PCDH9: variants seen among roughly 807,000 people sequenced by gnomAD.
PCDH9 encodes the protein protocadherin 9, also known as protocadherin-9.
PCDH9 carries 24 observed loss-of-function variants against 70.6 expected under a neutral mutation model. The observed-to-expected ratio is 0.34, with a 90% CI of 0.25 to 0.48. PCDH9 has a LOEUF of 0.48. Among genes scored for constraint, PCDH9 ranks in the 20% least tolerant of loss-of-function variants. The pLI is 0.99. For missense variants in PCDH9, 1,281 were observed against 1,503.6 expected (o/e 0.85, Z 2.45); for synonymous variants, 562 against 558.5 (o/e 1.01, Z -0.09).
At chr13:66,613,453 A>G (rs1486622675) in intron 4 of PCDH9, among the ~76,000 whole-genome samples, 3 of 152,166 alleles carry the variant, frequency 2.0e-5, no homozygotes, top group Non-Finnish European at 4.4e-5. Context: ...GTCACTGTTT[A>G]TATTTTCTGT....
intron 2 of PCDH9, among the ~76,000 whole-genome samples, chr13:66,980,648 T>C (rs2083725041): frequency 6.6e-6 from 1 of 151,674 alleles, no homozygotes. Context: ...TATCTTCCTT[T>C]GCATGCTCAC....
At chr13:67,019,832 C>T (rs2084639786) in intron 2 of PCDH9, among the ~76,000 whole-genome samples, 1 of 152,138 alleles carries the variant, frequency 6.6e-6, no homozygotes, top group African/African-American at 2.4e-5. Flanking sequence ...AGGTGAGTAC[C>T]AAGCACACTT....
chr13:66,797,953 C>T (rs1208301704), intron 3 of PCDH9, among the ~76,000 whole-genome samples: 2 of 140,482 alleles, frequency 1.4e-5, no homozygotes, highest in Non-Finnish European at 1.5e-5. Context: ...GTTTTTGTTT[C>T]TTGGGGGGTG....
chr13:66,462,377 G>A (rs1313124157), intron 4 of PCDH9, among the ~76,000 whole-genome samples: 1 of 151,866 alleles, frequency 6.6e-6, no homozygotes, highest in Non-Finnish European at 1.5e-5. Flanking sequence ...AAATAAGGAA[G>A]TCAGGAAGAG....
At chr13:67,104,845 G>C (rs1254625805) in intron 2 of PCDH9, among the ~76,000 whole-genome samples, 1 of 152,124 alleles carries the variant, frequency 6.6e-6, no homozygotes, top group Non-Finnish European at 1.5e-5. Context: ...CACCGCGCTG[G>C]GCCAATAAAA....
intron 2 of PCDH9, among the ~76,000 whole-genome samples, chr13:66,996,746 G>T (rs1436423364): frequency 6.6e-6 from 1 of 152,180 alleles, no homozygotes; most frequent in Non-Finnish European, 1.5e-5. Flanking sequence ...GTCTAAATGT[G>T]AATAGTACTG....
chr13:66,419,526 G>A (rs971663706), intron 4 of PCDH9, among the ~76,000 whole-genome samples: 8 of 151,794 alleles, frequency 5.3e-5, no homozygotes, highest in South Asian at 2.1e-4. Context: ...AGAGTGGGGC[G>A]TTGCCTCACC....
At chr13:66,806,226 AT>A (rs1259270500) in intron 3 of PCDH9, among the ~76,000 whole-genome samples, 1 of 152,056 alleles carries the variant, frequency 6.6e-6, no homozygotes, top group Non-Finnish European at 1.5e-5. Flanking sequence ...ATTTGATTTA[AT>A]TTTTTTCTTT....
chr13:67,087,428 A>G (rs2086130775), intron 2 of PCDH9, among the ~76,000 whole-genome samples: 1 of 152,324 alleles, frequency 6.6e-6, no homozygotes, highest in East Asian at 1.9e-4. Flanking sequence ...ATCTACAGAA[A>G]GGTTTATACT....
At chr13:66,828,810 A>AAAAAAAAAAAATAATAATAAT (rs71207607) in intron 3 of PCDH9, among the ~76,000 whole-genome samples, 71 of 148,664 alleles carry the variant, frequency 4.8e-4, no homozygotes, top group African/African-American at 1.7e-3. Flanking sequence ...GCCATACATA[A>AAAAAAAAAAAATAATAATAAT]AATAATAATA....
chr13:67,114,806 G>T (rs1253770148), intron 2 of PCDH9, among the ~76,000 whole-genome samples: 1 of 152,162 alleles, frequency 6.6e-6, no homozygotes, highest in East Asian at 1.9e-4. Context: ...AAAATTTGGT[G>T]CTAGATAAAA....
At chr13:67,007,347 A>G (rs116965499) in intron 2 of PCDH9, among the ~76,000 whole-genome samples, 1,960 of 152,318 alleles carry the variant, frequency 0.013, 17 homozygotes, top group Middle Eastern at 0.051. Flanking sequence ...CCATATAGGA[A>G]GATAGTAAAT....
At chr13:66,698,528 T>C (rs1434997430) in intron 3 of PCDH9, among the ~76,000 whole-genome samples, 1 of 152,246 alleles carries the variant, frequency 6.6e-6, no homozygotes, top group Non-Finnish European at 1.5e-5. Context: ...TAATTAGTGC[T>C]ACCTTTCTCA....
At chr13:67,017,414 A>G (rs1484160388) in intron 2 of PCDH9, among the ~76,000 whole-genome samples, 1 of 152,198 alleles carries the variant, frequency 6.6e-6, no homozygotes, top group African/African-American at 2.4e-5. Context: ...ATTTACAGGC[A>G]TTGATATTCC....
intron 3 of PCDH9, among the ~76,000 whole-genome samples, chr13:66,836,211 T>C (rs112059907): frequency 3.9e-5 from 6 of 152,266 alleles, no homozygotes; most frequent in African/African-American, 1.4e-4. Flanking sequence ...AAAAGCAATT[T>C]CTCTTATACT....
At chr13:67,146,202 G>T (rs2087519450) in intron 2 of PCDH9, among the ~76,000 whole-genome samples, 1 of 152,094 alleles carries the variant, frequency 6.6e-6, no homozygotes, top group South Asian at 2.1e-4. Flanking sequence ...ACTTGACATT[G>T]AATAAGAACA....
intron 4 of PCDH9, among the ~76,000 whole-genome samples, chr13:66,615,814 T>C (rs896682699): frequency 2.0e-5 from 3 of 152,216 alleles, no homozygotes; most frequent in African/African-American, 7.2e-5. Flanking sequence ...AATAATTAAA[T>C]AAGGCATACT....
chr13:66,831,039 T>C (rs2080915827), intron 3 of PCDH9, among the ~76,000 whole-genome samples: 1 of 152,208 alleles, frequency 6.6e-6, no homozygotes, highest in South Asian at 2.1e-4. Flanking sequence ...CATGAGTTTA[T>C]ATCATAGCTT....
chr13:66,458,656 G>GCACATTGAT (rs1353225453), intron 4 of PCDH9, among the ~76,000 whole-genome samples: 4 of 152,002 alleles, frequency 2.6e-5, no homozygotes, highest in Admixed American at 2.6e-4. Flanking sequence ...CAATAAAATA[G>GCACATTGAT]CACATTGATT....
Sources: gnomAD v4.1 joint callset for allele counts (sites outside exome capture counted in the v4.1 genomes callset) on GRCh38, gnomAD v4.1.1 for gene constraint, MANE v1.5 for transcripts, NCBI Gene and HGNC (gene_info 2026-07-23, HGNC 2026-07-21) for gene names.